CEP120: variants seen among roughly 807,000 people sequenced by gnomAD.
CEP120 encodes the protein centrosomal protein of 120 kDa.
CEP120 carries 113 observed loss-of-function variants against 126.5 expected under a neutral mutation model. The observed-to-expected ratio is 0.89, with a 90% CI of 0.77 to 1.04. The LOEUF is 1.04. Ranked by LOEUF, CEP120 falls within the 50% of genes least tolerant of loss-of-function variation. The pLI is 0.00. For synonymous variants in CEP120, 400 were observed against 394.3 expected (o/e 1.01, Z -0.17); for missense variants, 1,230 against 1,155.7 (o/e 1.06, Z -0.93).
intron 19 of CEP120, 105 bp from the exon 20 acceptor site, chr5:123,346,858 T>C: frequency 1.1e-6 from 1 of 871,620 alleles, no homozygotes; most frequent in Non-Finnish European, 1.6e-6. Context: ...TTTAGTAATA[T>C]TTTCAGGAAG....
In CEP120 at chr5:123,393,145, G is replaced by T. The variant is rs575260399; in HGVS notation, c.810+155C>A. 1.5e-4 allele frequency among the ~76,000 whole-genome samples: 23 copies of T among 152,160 alleles called. No homozygotes were observed. The East Asian group carries it at 4.1e-3, about 27-fold the overall frequency. On this transcript the variant is annotated intron_variant, in intron 6 of 19. Coordinates refer to ENST00000306467, the MANE Select transcript of CEP120 (RefSeq NM_001375405.1). ...TAATGCCAACAACTTCATGACTCAG[G>T]ATAGTACCTAAAAAAATTAGAAGAT...
rs371379074 is a variant in CEP120 at position 123,391,102 on chromosome 5, C to T, written c.1038+8G>A. 4 of 1,605,682 alleles carry T rather than the reference C, an allele frequency of 2.5e-6. No homozygotes were observed. Among genetic ancestry groups the T allele is most frequent in the Non-Finnish European group, 3.4e-6 (4 of 1,174,816 alleles). On this transcript the variant is annotated splice_region_variant and intron_variant, in intron 7 of 19. Coordinates refer to ENST00000306467, the MANE Select transcript of CEP120 (RefSeq NM_001375405.1). ...AAGCCAGGGGAATGAAGGAGGGCCA[C>T]TACTTGCCTGGGAGTCTATGCCTTC...
intron 4 of CEP120, among the ~76,000 whole-genome samples, chr5:123,412,197 A>G (rs1037780977): frequency 4.6e-5 from 7 of 152,214 alleles, no homozygotes; most frequent in African/African-American, 1.7e-4. Context: ...TTACATACCA[A>G]ATAAAGAATA....
chr5:123,376,842 G>A (rs1028391374), intron 16 of CEP120, among the ~76,000 whole-genome samples: 1 of 152,128 alleles, frequency 6.6e-6, no homozygotes, highest in Non-Finnish European at 1.5e-5. Flanking sequence ...CAGAAAGTAA[G>A]TCCTGAGCTT....
chr5:123,401,442 G>A (rs1773228030), intron 4 of CEP120: 17 of 1,330,400 alleles, frequency 1.3e-5, no homozygotes, highest in South Asian at 4.7e-5. Context: ...TTTGTGCACC[G>A]CAGGTTATCC....
rs1177987153 is a variant in CEP120, at chr5:123,418,425, G to A, written c.140C>T (p.Thr47Ile). 1.9e-6 allele frequency: 3 copies of A among 1,613,072 alleles called. No homozygotes were observed. The highest frequency in any genetic ancestry group is 2.5e-6 in the Non-Finnish European group (3 of 1,179,200). ...EQLATDPVDH[T>I]DQPEFATELA... is the part of the protein sequence containing the mutation. ...CTCAGTAGCAAATTCTGGCTGGTCA[G>A]TGTGGTCCACAGGATCAGTAGCCAA... Residue 47 changes from threonine to isoleucine, a missense_variant, in exon 2 of 20, where the codon ACT becomes ATT. By Grantham distance (89) the Thr-to-Ile change is moderately conservative. Coordinates refer to ENST00000306467, the MANE Select transcript of CEP120 (RefSeq NM_001375405.1).
chr5:123,370,137 A>G (rs1328620809), intron 17 of CEP120, among the ~76,000 whole-genome samples: 1 of 152,054 alleles, frequency 6.6e-6, no homozygotes, highest in Non-Finnish European at 1.5e-5. Context: ...ATATGAAAAT[A>G]GCTATAACAT....
intron 6 of CEP120, 88 bp downstream of exon 6, chr5:123,393,212 T>C (rs1772520534): frequency 1.7e-6 from 2 of 1,168,794 alleles, no homozygotes; most frequent in Non-Finnish European, 2.5e-6. Flanking sequence ...AGGATTAAGT[T>C]TAGGTACTAA....
chr5:123,359,567 A>G (rs906782339), intron 18 of CEP120, among the ~76,000 whole-genome samples: 3 of 152,050 alleles, frequency 2.0e-5, no homozygotes, highest in African/African-American at 7.2e-5. Flanking sequence ...GAAGAAAAAA[A>G]GCAAACTAAA....
At chr5:123,382,440 C>G (rs921975820) in intron 13 of CEP120, among the ~76,000 whole-genome samples, 1 of 151,514 alleles carries the variant, frequency 6.6e-6, no homozygotes, top group African/African-American at 2.4e-5. Flanking sequence ...TGTTTGGAGA[C>G]TAATGATGCA....
At chr5:123,411,138 T>C (rs1164164188) in intron 4 of CEP120, among the ~76,000 whole-genome samples, 1 of 152,168 alleles carries the variant, frequency 6.6e-6, no homozygotes, top group African/African-American at 2.4e-5. Context: ...GATACTATGA[T>C]ATACCTAGTA....
Position 123,382,027 on chromosome 5 carries a change from T to C in CEP120, c.2103+84A>G, listed in dbSNP as rs1771681084. On this transcript the variant is annotated intron_variant, in intron 14 of 19. Coordinates refer to ENST00000306467, the MANE Select transcript of CEP120 (RefSeq NM_001375405.1). ...TATCACCACTAAAATTAGTTATTCC[T>C]TCCAGAGACTGTCTTTAACGCAAAT... 4 of 940,938 alleles carry C rather than the reference T, an allele frequency of 4.3e-6. No individual in the cohort carries two copies. In the Admixed American group the frequency reaches 8.7e-5, roughly 20 times the overall value. The allele number at this position is 940,938 out of a possible 1,614,324, so 58.3% of individuals were successfully genotyped here.
At chr5:123,368,897 A>C (rs187161464) in intron 17 of CEP120, among the ~76,000 whole-genome samples, 1 of 152,106 alleles carries the variant, frequency 6.6e-6, no homozygotes, top group Non-Finnish European at 1.5e-5. Flanking sequence ...ATAGTAAAAC[A>C]ATGTTACTCT....
chr5:123,346,570 T>G lies in CEP120; in HGVS notation c.2910A>C (p.Glu970Asp). Residue 970 changes from glutamate to aspartate, a missense_variant, in exon 20 of 20, where the codon GAA (glutamate) becomes GAC (aspartate). Glu to Asp is a conservative substitution (Grantham distance 45). Transcript: ENST00000306467. The part of the protein sequence containing the change: ...VYNHEDRIIS[E>D]LDRQIREILA... ...AAATCTCTCTGATCTGTCGGTCGAG[T>G]TCACTTATTATTCGATCCTCGTGAT... 6.2e-7 allele frequency: 1 copy of G among 1,613,804 alleles called. No individual in the cohort carries two copies. Among genetic ancestry groups the G allele is most frequent in the African/African-American group, 1.3e-5 (1 of 75,056 alleles).
chr5:123,361,846 ACTCATTTAATT>A (rs1770099667), intron 18 of CEP120, among the ~76,000 whole-genome samples: 1 of 151,830 alleles, frequency 6.6e-6, no homozygotes, highest in East Asian at 1.9e-4. Flanking sequence ...CTTTAAAACC[ACTCATTTAATT>A]CTCAGAATAA....
At position 123,345,182 on chromosome 5, in the gene CEP120, G is replaced by A. The variant is rs537645025; in HGVS notation, c.*1337C>T. 6.6e-6 allele frequency: 1 copy of A among 152,016 alleles called. No individual in the cohort carries two copies. Among genetic ancestry groups the A allele is most frequent in the Admixed American group, 6.6e-5 (1 of 15,260 alleles). The allele number at this position is 152,016 out of a possible 1,614,324, so 9.4% of individuals were successfully genotyped here. ...ACCATAATTAATATTGCAAATTCCTGCTATGATTCAGATTCATTATCCTCT... is the reference window on the plus strand; with the variant it reads ...ACCATAATTAATATTGCAAATTCCTACTATGATTCAGATTCATTATCCTCT... On this transcript the variant is annotated 3_prime_UTR_variant, in exon 20 of 20. Transcript: ENST00000306467.
chr5:123,346,409 TA>T lies in CEP120; in HGVS notation c.*109del, dbSNP rs760566158. On this transcript the variant is annotated 3_prime_UTR_variant, in exon 20 of 20. Coordinates refer to ENST00000306467, the MANE Select transcript of CEP120 (RefSeq NM_001375405.1). ...ACAATAACATACAAAATTTTGCTTATAAAAAATTGAAAATACCATTTTAAAA... is the reference window on the plus strand; with the variant it reads ...ACAATAACATACAAAATTTTGCTTATAAAAATTGAAAATACCATTTTAAAA... The T allele has an allele frequency of 3.0e-5, 24 of 797,934 alleles. No individual in the cohort carries two copies. The highest frequency in any genetic ancestry group is 4.2e-5 in the Non-Finnish European group (22 of 518,592). 49.4% of individuals were successfully genotyped at this position (797,934 alleles called of 1,614,324 possible).
At chr5:123,395,544 C>CT in intron 5 of CEP120, among the ~76,000 whole-genome samples, 1 of 152,270 alleles carries the variant, frequency 6.6e-6, no homozygotes, top group East Asian at 1.9e-4. Context: ...CACAAATCTG[C>CT]TTGTAGGAAC....
chr5:123,363,844 A>C (rs1301217346), intron 18 of CEP120, among the ~76,000 whole-genome samples: 1 of 151,574 alleles, frequency 6.6e-6, no homozygotes, highest in African/African-American at 2.4e-5. Flanking sequence ...GAATAAACTA[A>C]CCATTATTAA....
Sources: gnomAD v4.1 joint callset for allele counts (sites outside exome capture counted in the v4.1 genomes callset) on GRCh38, gnomAD v4.1.1 for gene constraint, MANE v1.5 for transcripts, NCBI Gene and HGNC (gene_info 2026-07-23, HGNC 2026-07-21) for gene names.